The following ADGRV1 variants were observed in gnomAD, a reference collection of about 807,000 sequenced individuals.
ADGRV1 encodes the protein adhesion G protein-coupled receptor V1.
In ADGRV1, 359 loss-of-function variants were observed where a neutral mutation model predicts 596.2. The observed-to-expected ratio is 0.60, with a 90% confidence interval of 0.55 to 0.66. The LOEUF (loss-of-function observed/expected upper bound fraction) is 0.66, where lower values mean the gene tolerates loss of function less well. ADGRV1 is among the 30% of genes least tolerant of loss of function. The pLI is 0.00. For synonymous variants in ADGRV1, 2,681 were observed against 2,679.2 expected (o/e 1.00, Z -0.02); for missense variants, 7,274 against 7,575.6 (o/e 0.96, Z 1.48).
At chr5:90,770,103 A>G (rs1290982338) in intron 59 of ADGRV1, among the ~76,000 whole-genome samples, 2 of 152,208 alleles carry the variant, frequency 1.3e-5, no homozygotes, top group Non-Finnish European at 2.9e-5. Context: ...TGGGTAATTT[A>G]TAAAGGAAAG....
chr5:90,909,047 C>A (rs1003401766), intron 83 of ADGRV1, among the ~76,000 whole-genome samples: 1 of 151,872 alleles, frequency 6.6e-6, no homozygotes, highest in Non-Finnish European at 1.5e-5. Flanking sequence ...AGTAAGAAAT[C>A]TTTCCTTTCC....
At chr5:90,772,793 T>A (rs539919922) in intron 59 of ADGRV1, among the ~76,000 whole-genome samples, 1 of 152,278 alleles carries the variant, frequency 6.6e-6, no homozygotes, top group South Asian at 2.1e-4. Context: ...GCAATATTAT[T>A]TGTAATAGTA....
intron 83 of ADGRV1, among the ~76,000 whole-genome samples, chr5:90,928,665 T>C (rs986159330): frequency 3.3e-5 from 5 of 150,528 alleles, no homozygotes; most frequent in Non-Finnish European, 7.4e-5. Context: ...CTTTGTTCCG[T>C]TGCTGGTGAG....
intron 86 of ADGRV1, among the ~76,000 whole-genome samples, chr5:91,098,853 C>T (rs1196915380): frequency 6.6e-6 from 1 of 150,696 alleles, no homozygotes; most frequent in Non-Finnish European, 1.5e-5. Context: ...ATGTGCATGT[C>T]CCTTTGTACT....
At position 90,675,321 on chromosome 5, in the gene ADGRV1, T is replaced by C. The variant is rs769984127; in HGVS notation, c.5189T>C (p.Ile1730Thr). 1.5e-5 allele frequency: 24 copies of C among 1,613,680 alleles called. No individual in the cohort carries two copies. Among genetic ancestry groups the C allele is most frequent in the Non-Finnish European group, 1.9e-5 (22 of 1,179,700 alleles). Reference protein sequence around the residue: ...MTLPASSVPHITVEEEDGEIR... With the variant: ...MTLPASSVPHTTVEEEDGEIR... ...CTGCCTGCAAGCAGCGTTCCACATATCACTGTGGAGGAGGAAGATGGAGAA... is the reference window on the plus strand; with the variant it reads ...CTGCCTGCAAGCAGCGTTCCACATACCACTGTGGAGGAGGAAGATGGAGAA... The change falls in exon 24 of 90, where the codon ATC (isoleucine) becomes ACC (threonine). Residue 1730 changes from isoleucine (I) to threonine (T), a missense_variant. Physicochemically the swap from Ile to Thr is moderately conservative, Grantham distance 89. Coordinates refer to ENST00000405460, the MANE Select transcript of ADGRV1 (RefSeq NM_032119.4).
At chr5:90,823,237 C>T (rs538996028) in intron 75 of ADGRV1, among the ~76,000 whole-genome samples, 188 bp from the exon 76 acceptor site, 1 of 152,250 alleles carries the variant, frequency 6.6e-6, no homozygotes, top group Non-Finnish European at 1.5e-5. Context: ...AGGCTTAATC[C>T]TCTTATCTGT....
chr5:90,960,142 A>AAAAC (rs1165745037), intron 83 of ADGRV1, among the ~76,000 whole-genome samples: 11 of 138,894 alleles, frequency 7.9e-5, no homozygotes, highest in African/African-American at 3.4e-4. Context: ...CATCTCAAAA[A>AAAAC]AAAAAAAAAA....
rs1184743871 is a variant in ADGRV1, at chr5:90,627,106, T to G, written c.673-105T>G. 36 of 597,324 alleles carry G rather than the reference T, an allele frequency of 6.0e-5. No homozygotes were observed. In the East Asian group the frequency reaches 1.1e-3, roughly 18 times the overall value. 37.0% of individuals were successfully genotyped at this position (597,324 alleles called of 1,614,324 possible). A position where few individuals can be genotyped will look rare whatever the true frequency, so the allele number is the denominator to read the frequency against. On this transcript the variant is annotated intron_variant, in intron 6 of 89. Transcript: ENST00000405460. ...TTTGCTCCCTCAGTTAAAGAATTTT[T>G]ATTTCTATGTAATTGTATTGAAACA...
At chr5:90,720,605 C>G (rs1157022847) in intron 44 of ADGRV1, among the ~76,000 whole-genome samples, 1 of 151,896 alleles carries the variant, frequency 6.6e-6, no homozygotes, top group Non-Finnish European at 1.5e-5. Context: ...AAAATTTCTT[C>G]TAGAGGCTGA....
rs1561463401 is a variant in ADGRV1 at position 90,653,464 on chromosome 5, C to T, written c.3890C>T (p.Pro1297Leu). The stretch of plus-strand genomic sequence containing the variant: ...TCCAGTGAGTTCCCTGCTGGTTTGC[C>T]ACCAATGATAGATTTTTTACTGGTT... ...ILSSEFPAGLPPMIDFLLVGI... is the reference protein window; with the variant it reads ...ILSSEFPAGLLPMIDFLLVGI... The change falls in exon 20 of 90, where the codon CCA (proline) becomes CTA (leucine). Residue 1297 changes from proline (P) to leucine (L), a missense_variant. Transcript: ENST00000405460. 1.9e-6 allele frequency: 3 copies of T among 1,613,902 alleles called. No homozygotes were observed. The highest frequency in any genetic ancestry group is 8.5e-7 in the Non-Finnish European group (1 of 1,179,886).
intron 85 of ADGRV1, among the ~76,000 whole-genome samples, chr5:91,020,597 A>C (rs1248048070): frequency 6.6e-6 from 1 of 151,998 alleles, no homozygotes; most frequent in Non-Finnish European, 1.5e-5. Flanking sequence ...CATTGCCTGG[A>C]ATCCATTCCA....
At chr5:90,714,456 A>C (rs931244216) in intron 42 of ADGRV1, among the ~76,000 whole-genome samples, 13 of 151,902 alleles carry the variant, frequency 8.6e-5, no homozygotes, top group African/African-American at 3.1e-4. Context: ...TCTTATTATA[A>C]AAATTTTTTT....
intron 85 of ADGRV1, among the ~76,000 whole-genome samples, chr5:91,060,396 A>ATTTT (rs1403489090): frequency 3.7e-5 from 1 of 27,190 alleles, no homozygotes; most frequent in African/African-American, 8.7e-5. Context: ...ATATATATAT[A>ATTTT]TATTTTTTTT....
chr5:91,106,751 C>A (rs989433663), intron 87 of ADGRV1, among the ~76,000 whole-genome samples: 4 of 152,142 alleles, frequency 2.6e-5, no homozygotes, highest in Non-Finnish European at 5.9e-5. Flanking sequence ...ACATAAATAG[C>A]AAGGTCTAGG....
intron 85 of ADGRV1, among the ~76,000 whole-genome samples, chr5:90,989,456 A>T (rs1780784641): frequency 6.6e-6 from 1 of 151,866 alleles, no homozygotes; most frequent in Non-Finnish European, 1.5e-5. Flanking sequence ...TTCTAATCTA[A>T]CTCCTAAATG....
In ADGRV1 at chr5:90,614,927, A is replaced by T; in HGVS notation, c.115A>T (p.Thr39Ser). The change falls in exon 2 of 90, where the codon ACT (threonine) becomes TCT (serine). Residue 39 changes from threonine (T) to serine (S), a missense_variant. By Grantham distance (58) the Thr-to-Ser change is moderately conservative. Around this residue, in one of 5 missense-constraint regions of ADGRV1, gnomAD observed 1,715 missense variants for 1,708.8 expected, o/e 1.00. Transcript: ENST00000405460. ...GETEIRFTGQ[T>S]EFVVNETSTT... ...AACAGAAATAAGATTTACTGGACAA[A>T]CTGAATTTGTTGTTAATGAAACAAG... 1.9e-6 allele frequency: 3 copies of T among 1,602,946 alleles called. No homozygotes were observed. The highest frequency in any genetic ancestry group is 2.6e-6 in the Non-Finnish European group (3 of 1,173,372).
At position 90,788,144 on chromosome 5, in the gene ADGRV1, T is replaced by G. The variant is rs372197085; in HGVS notation, c.13727T>G (p.Val4576Gly). 41 of 1,613,606 alleles carry G rather than the reference T, an allele frequency of 2.5e-5. No individual in the cohort carries two copies. Among genetic ancestry groups the G allele is most frequent in the Non-Finnish European group, 2.5e-5 (30 of 1,179,702 alleles). Residue 4576 changes from valine to glycine, a missense_variant, in exon 68 of 90, where the codon GTG (valine) becomes GGG (glycine). By Grantham distance (109) the Val-to-Gly change is moderately radical. This residue lies in a region of ADGRV1 where 3,643 missense variants were observed against 3,809.2 expected (regional missense o/e 0.96). Transcript: ENST00000405460. ...CAGAATAGAGACATTGCAGACCCAGTGAGCGGGTTGTTCTATTTTGGAGAA... is the reference window on the plus strand; with the variant it reads ...CAGAATAGAGACATTGCAGACCCAGGGAGCGGGTTGTTCTATTTTGGAGAA... ...LPQNRDIADP[V>G]SGLFYFGEGE...
At chr5:90,859,748 A>C (rs1481498398) in intron 82 of ADGRV1, among the ~76,000 whole-genome samples, 3 of 152,092 alleles carry the variant, frequency 2.0e-5, no homozygotes, top group Non-Finnish European at 4.4e-5. Context: ...TGAGCCCTTG[A>C]AATATGGCTT....
chr5:90,745,760 AAT>A lies in ADGRV1; in HGVS notation c.10940_10941del (p.Asn3647ArgfsTer2). 1 of 1,610,496 alleles carries A rather than the reference AAT, an allele frequency of 6.2e-7. No individual in the cohort carries two copies. On this transcript the variant is annotated frameshift_variant, in exon 52 of 90. Transcript: ENST00000405460. LOFTEE classifies it high-confidence loss of function. ...NDSVTITILS[N>X]DDAYGIVAFA... The stretch of plus-strand genomic sequence containing the variant: ...TTCTGTAACAATAACCATTCTGTCT[AAT>A]GATGATGCCTATGGAATTGTTGCAT...
Sources: gnomAD v4.1 joint callset for allele counts (sites outside exome capture counted in the v4.1 genomes callset) on GRCh38, gnomAD v4.1.1 for gene constraint, gnomAD v4.1.1 regional missense constraint, MANE v1.5 for transcripts, NCBI Gene and HGNC (gene_info 2026-07-23, HGNC 2026-07-21) for gene names.